NFIA: variants seen among roughly 807,000 people sequenced by gnomAD.
NFIA encodes nuclear factor 1 A-type.
In NFIA, 8 loss-of-function variants were observed where a neutral mutation model predicts 62.8. That is an observed-to-expected ratio of 0.13 (90% confidence interval 0.07 to 0.23). The LOEUF (loss-of-function observed/expected upper bound fraction) is 0.23, where lower values mean the gene tolerates loss of function less well. NFIA is among the 10% of genes least tolerant of loss of function. The pLI, the probability that NFIA is intolerant of heterozygous loss-of-function variation, is 1.00. For missense variants in NFIA, 410 were observed against 642.1 expected, an observed-to-expected ratio of 0.64 and a Z score of 3.91; for synonymous variants, 235 against 238.1, an observed-to-expected ratio of 0.99 and a Z score of 0.12.
chr1:61,200,036 A>G (rs12727793), intron 2 of NFIA, among the ~76,000 whole-genome samples: 585 of 46,060 alleles, frequency 0.013, 28 homozygotes, highest in Non-Finnish European at 0.017. Context: ...ATATATATAT[A>G]TATATATATA....
chr1:61,418,164 A>C (rs2100543190), intron 9 of NFIA, among the ~76,000 whole-genome samples: 1 of 152,350 alleles, frequency 6.6e-6, no homozygotes, highest in African/African-American at 2.4e-5. Flanking sequence ...GAAGTTATTT[A>C]AAAATCATCC....
At chr1:61,102,611 C>G (rs989812309) in intron 2 of NFIA, among the ~76,000 whole-genome samples, 1 of 152,034 alleles carries the variant, frequency 6.6e-6, no homozygotes, top group Non-Finnish European at 1.5e-5. Flanking sequence ...TAAAACTGAA[C>G]ACATTAATGA....
At chr1:61,319,625 A>C (rs895492757) in intron 3 of NFIA, among the ~76,000 whole-genome samples, 1 of 152,122 alleles carries the variant, frequency 6.6e-6, no homozygotes, top group African/African-American at 2.4e-5. Context: ...AAACTCAAGG[A>C]GAGAACTCTA....
At chr1:61,248,408 G>A (rs532156838) in intron 2 of NFIA, among the ~76,000 whole-genome samples, 46 of 152,208 alleles carry the variant, frequency 3.0e-4, no homozygotes, top group Admixed American at 1.4e-3. Context: ...CTGAGAGGTA[G>A]GGTTTCAGGC....
Position 61,211,609 on chromosome 1 carries a change from A to G in NFIA, c.560-65911A>G, listed in dbSNP as rs183833646. 3.4e-3 allele frequency among the ~76,000 whole-genome samples: 522 copies of G among 152,332 alleles called. 1 individual carries two copies. The highest frequency in any genetic ancestry group is 6.3e-3 in the Non-Finnish European group (429 of 68,032). On this transcript the variant is annotated intron_variant, in intron 2 of 10. Transcript: ENST00000403491. ...CATAGATGTCTAGAGCAAATAAGAG[A>G]CACCAGGAAATATTACACCCAATTA...
chr1:61,132,474 T>A (rs773520423), intron 2 of NFIA, among the ~76,000 whole-genome samples: 63 of 152,186 alleles, frequency 4.1e-4, no homozygotes, highest in Non-Finnish European at 7.6e-4. Flanking sequence ...TTCTTAAACA[T>A]CAGTCCAAAA....
intron 3 of NFIA, among the ~76,000 whole-genome samples, chr1:61,287,657 C>T (rs1658591560): frequency 6.7e-6 from 1 of 148,380 alleles, no homozygotes; most frequent in South Asian, 2.2e-4. Context: ...CTGTCCCCAA[C>T]CCCCCCCAAA....
chr1:61,412,645 A>G (rs1467557634), intron 9 of NFIA, among the ~76,000 whole-genome samples: 1 of 152,176 alleles, frequency 6.6e-6, no homozygotes, highest in Non-Finnish European at 1.5e-5. Context: ...TGAGATGCCT[A>G]TTAGACATCT....
At chr1:61,334,535 A>G (rs5028391) in intron 4 of NFIA, among the ~76,000 whole-genome samples, 29,032 of 57,792 alleles carry the variant, frequency 0.5, 5,443 homozygotes, top group Middle Eastern at 0.62. Context: ...GTGTGTATAT[A>G]TGTGTGTGTG....
chr1:61,186,654 A>G (rs1056779959), intron 2 of NFIA, among the ~76,000 whole-genome samples: 4 of 152,254 alleles, frequency 2.6e-5, no homozygotes, highest in Admixed American at 2.6e-4. Context: ...AGGAAGTAGC[A>G]TTTGAGACAG....
chr1:61,418,740 A>G (rs1209591377), intron 9 of NFIA, among the ~76,000 whole-genome samples: 1 of 152,238 alleles, frequency 6.6e-6, no homozygotes, highest in East Asian at 1.9e-4. Context: ...TGTAATGAAC[A>G]TCTTGTAGCA....
chr1:61,206,178 C>G (rs1652887705), intron 2 of NFIA, among the ~76,000 whole-genome samples: 1 of 151,944 alleles, frequency 6.6e-6, no homozygotes, highest in African/African-American at 2.4e-5. Flanking sequence ...TTATGTAAGA[C>G]TTTTTGTTAT....
intron 2 of NFIA, among the ~76,000 whole-genome samples, chr1:61,254,151 A>C (rs1485821187): frequency 6.6e-6 from 1 of 152,188 alleles, no homozygotes; most frequent in Non-Finnish European, 1.5e-5. Flanking sequence ...TGAGATTGCA[A>C]TTCCCAGAGT....
chr1:61,444,467 C>T (rs927706194), intron 10 of NFIA, among the ~76,000 whole-genome samples: 6 of 152,072 alleles, frequency 3.9e-5, no homozygotes, highest in African/African-American at 4.8e-5. Context: ...ATACAGAGGC[C>T]GGCAGAGTTC....
intron 2 of NFIA, among the ~76,000 whole-genome samples, chr1:61,275,989 A>G (rs1221390721): frequency 6.6e-6 from 1 of 151,724 alleles, no homozygotes; most frequent in Non-Finnish European, 1.5e-5. Context: ...ATTCTGAAGG[A>G]TTTCTTTAAA....
Position 61,155,679 on chromosome 1 carries a change from CAAA to C in NFIA, c.559+67015_559+67017del, listed in dbSNP as rs35851988. Among the ~76,000 whole-genome samples the C allele has an allele frequency of 1.0e-3, 111 of 108,642 alleles. 2 individuals carry two copies. The highest frequency in any genetic ancestry group is 3.8e-3 in the African/African-American group (102 of 27,160). 71.3% of individuals were successfully genotyped at this position (108,642 alleles called of 152,430 possible). On this transcript the variant is annotated intron_variant, in intron 2 of 10. Transcript: ENST00000403491. ...TGGGCGACAGAGCGAGACTCCATCT[CAAA>C]AAAAAAAAAAAAAAATCTAGAGTTG...
chr1:61,328,211 G>A (rs982186903), intron 3 of NFIA, among the ~76,000 whole-genome samples: 3 of 151,830 alleles, frequency 2.0e-5, no homozygotes, highest in African/African-American at 7.3e-5. Flanking sequence ...AGGGGGCTCA[G>A]AACACATTGG....
intron 2 of NFIA, among the ~76,000 whole-genome samples, chr1:61,173,434 C>T (rs1384436852): frequency 6.6e-6 from 1 of 152,126 alleles, no homozygotes; most frequent in East Asian, 1.9e-4. Context: ...GTTGCCCACG[C>T]AGGAGTGCAG....
intron 2 of NFIA, among the ~76,000 whole-genome samples, chr1:61,260,770 CG>C (rs1411805162): frequency 1.3e-5 from 2 of 151,932 alleles, no homozygotes; most frequent in Non-Finnish European, 2.9e-5. Context: ...TTAGTAGAGA[CG>C]GGGTTTCACC....
Sources: gnomAD v4.1 joint callset for allele counts (sites outside exome capture counted in the v4.1 genomes callset) on GRCh38, gnomAD v4.1.1 for gene constraint, MANE v1.5 for transcripts, NCBI Gene and HGNC (gene_info 2026-07-23, HGNC 2026-07-21) for gene names.